ZNF738: variants seen among roughly 807,000 people sequenced by gnomAD.
The protein encoded by ZNF738 is protein ZNF738.
Under a neutral mutation model 9.2 loss-of-function variants are expected in ZNF738, and 10 were observed. The ratio of observed to expected loss-of-function variants is 1.09; its 90% CI spans 0.67 to 1.85. ZNF738 has a LOEUF of 1.85. ZNF738 is among the 40% of genes most tolerant of loss of function. The pLI is 0.00. For missense variants in ZNF738, 346 were observed against 283.6 expected, an observed-to-expected ratio of 1.22 and a Z score of -1.58; for synonymous variants, 113 against 94.5, an observed-to-expected ratio of 1.20 and a Z score of -1.14.
chr19:21,388,308 G>A lies in ZNF738; in HGVS notation c.*4634G>A, dbSNP rs1253646275. Among the ~76,000 whole-genome samples the A allele has an allele frequency of 3.3e-5, 5 of 152,138 alleles. No individual in the cohort carries two copies. Among genetic ancestry groups the A allele is most frequent in the Non-Finnish European group, 1.5e-5 (1 of 68,018 alleles). On this transcript the variant is annotated 3_prime_UTR_variant, in exon 5 of 5. Transcript: ENST00000683779. ...TTCTTATTCACTTGTGAAAGCATGT[G>A]ATAATTGTTGCATCAAAGGTATGAG...
Position 21,375,256 on chromosome 19 carries a change from G to A in ZNF738, c.115G>A (p.Asp39Asn), listed in dbSNP as rs755807173. The A allele has an allele frequency of 8.7e-7, 1 of 1,151,566 alleles. No homozygotes were observed. The highest frequency in any genetic ancestry group is 1.5e-5 in the African/African-American group (1 of 65,900). 71.3% of individuals were successfully genotyped at this position (1,151,566 alleles called of 1,614,324 possible). ...TTTTCAGGGGCCGTTGACATTTAGG[G>A]ATGTGGTCATAGAATTCTCTCAGGA... Reference protein sequence around the residue: ...YFEKGPLTFRDVVIEFSQEEW... With the variant: ...YFEKGPLTFRNVVIEFSQEEW... The change falls in exon 3 of 5, where the codon GAT becomes AAT. Residue 39 changes from aspartate (D) to asparagine (N), a missense_variant. By Grantham distance (23) the Asp-to-Asn change is conservative. Coordinates refer to ENST00000683779, the MANE Select transcript of ZNF738 (RefSeq NM_001355237.2).
At chr19:21,368,894 G>A (rs1400841509) in intron 2 of ZNF738, among the ~76,000 whole-genome samples, 16 of 152,116 alleles carry the variant, frequency 1.1e-4, no homozygotes, top group Non-Finnish European at 2.1e-4. Context: ...TTGCCACGAC[G>A]CCCAGCTGAT....
At chr19:21,377,635 A>G in intron 4 of ZNF738, 1 of 463,360 alleles carries the variant, frequency 2.2e-6, no homozygotes. Flanking sequence ...AAGATATGAC[A>G]GTTTTTGACT....
chr19:21,383,170 A>G lies in ZNF738; in HGVS notation c.624A>G (p.Lys208=). 1 of 1,600,560 alleles carries G rather than the reference A, an allele frequency of 6.2e-7. No individual in the cohort carries two copies. ...GAAAGAAACCTTTCAAATGTAAAAA[A>G]TGTGGCAAATCATTTTGCATGCTTT... ...HTGKKPFKCK[K]CGKSFCMLLH... The change falls in exon 5 of 5, where the codon AAA becomes AAG. Residue 208 remains lysine, a synonymous_variant. Transcript: ENST00000683779.
intron 2 of ZNF738, among the ~76,000 whole-genome samples, chr19:21,367,644 C>G (rs937812244): frequency 1.7e-4 from 26 of 152,246 alleles, no homozygotes; most frequent in African/African-American, 5.8e-4. Flanking sequence ...CACAGACTGT[C>G]ATACTGCCCA....
At chr19:21,379,888 A>G (rs1462567993) in intron 4 of ZNF738, among the ~76,000 whole-genome samples, 3 of 152,336 alleles carry the variant, frequency 2.0e-5, no homozygotes, top group South Asian at 2.1e-4. Flanking sequence ...AAGAAACATA[A>G]AGGAACTCAA....
intron 4 of ZNF738, among the ~76,000 whole-genome samples, chr19:21,380,817 G>A (rs1323199745): frequency 1.3e-5 from 2 of 152,136 alleles, no homozygotes; most frequent in African/African-American, 4.8e-5. Context: ...CAGTCAGGAC[G>A]TCCTGTCTCA....
chr19:21,359,838 C>T (rs539254299), intron 1 of ZNF738, among the ~76,000 whole-genome samples: 2 of 152,188 alleles, frequency 1.3e-5, no homozygotes, highest in East Asian at 1.9e-4. Flanking sequence ...GATCGTGCCA[C>T]TGCACTCCAG....
At chr19:21,371,632 C>G (rs1490545388) in intron 2 of ZNF738, among the ~76,000 whole-genome samples, 1 of 152,176 alleles carries the variant, frequency 6.6e-6, no homozygotes, top group Non-Finnish European at 1.5e-5. Flanking sequence ...AGACTAGCAA[C>G]TGGATACATG....
chr19:21,375,716 TA>T (rs773787253), intron 3 of ZNF738, among the ~76,000 whole-genome samples, 152 bp from the exon 4 acceptor site: 18 of 152,222 alleles, frequency 1.2e-4, no homozygotes, highest in Non-Finnish European at 2.1e-4. Context: ...AAATTTAAAA[TA>T]TTTTCTAAAT....
chr19:21,375,226 TG>T lies in ZNF738; in HGVS notation c.97-11del. ...ACACTTGTAAATATGTGTGTGTGTG[TG>T]TGTTTTTCAGGGGCCGTTGACATTT... On this transcript the variant is annotated splice_polypyrimidine_tract_variant and intron_variant, in intron 2 of 4. Coordinates refer to ENST00000683779, the MANE Select transcript of ZNF738 (RefSeq NM_001355237.2). The T allele has an allele frequency of 9.1e-7, 1 of 1,102,084 alleles. No homozygotes were observed. 68.3% of individuals were successfully genotyped at this position (1,102,084 alleles called of 1,614,324 possible). A position where few individuals can be genotyped will look rare whatever the true frequency, so the allele number is the denominator to read the frequency against.
chr19:21,374,198 TAAGA>T (rs1973896071), intron 2 of ZNF738, among the ~76,000 whole-genome samples: 2 of 152,212 alleles, frequency 1.3e-5, no homozygotes, highest in Non-Finnish European at 2.9e-5. Flanking sequence ...AGAACAGGAT[TAAGA>T]AAATGCTTAT....
At chr19:21,372,702 A>G (rs1973872080) in intron 2 of ZNF738, 1 of 152,174 alleles carries the variant, frequency 6.6e-6, no homozygotes, top group Admixed American at 6.5e-5. Context: ...ATTATTGAAC[A>G]CTTAGTATGA....
intron 4 of ZNF738, among the ~76,000 whole-genome samples, chr19:21,382,185 C>T (rs1357139322): frequency 6.7e-6 from 1 of 149,968 alleles, no homozygotes; most frequent in Non-Finnish European, 1.5e-5. Context: ...CCTGCCTCAG[C>T]CTCTTGAGTA....
In ZNF738 at chr19:21,383,699, G is replaced by A. The variant is rs139226172; in HGVS notation, c.*25G>A. 5.1e-5 allele frequency: 43 copies of A among 836,406 alleles called. No individual in the cohort carries two copies. Among genetic ancestry groups the A allele is most frequent in the Middle Eastern group, 5.1e-4 (2 of 3,912 alleles). 51.8% of individuals were successfully genotyped at this position (836,406 alleles called of 1,614,324 possible). A position where few individuals can be genotyped will look rare whatever the true frequency, so the allele number is the denominator to read the frequency against. ...ATGTGGCAAAGCCTTTAATGTATTC[G>A]CAACCCTTACTAGACATAAGATAAT... On this transcript the variant is annotated 3_prime_UTR_variant, in exon 5 of 5. Coordinates refer to ENST00000683779, the MANE Select transcript of ZNF738 (RefSeq NM_001355237.2).
At chr19:21,380,230 A>G (rs1973987188) in intron 4 of ZNF738, among the ~76,000 whole-genome samples, 1 of 152,214 alleles carries the variant, frequency 6.6e-6, no homozygotes, top group African/African-American at 2.4e-5. Context: ...ACAAGTTCAC[A>G]TAAAAGGGTT....
At position 21,361,885 on chromosome 19, in the gene ZNF738, C is replaced by G. The variant is rs780829875; in HGVS notation, c.96+27C>G. On this transcript the variant is annotated intron_variant, in intron 2 of 4. Transcript: ENST00000683779. Reference sequence around the variant, plus strand: ...TAACCCCTTGATATGTTAAAATTGTCTTTGGGACCAGCTTGAAAAACATGC... The same window carrying G: ...TAACCCCTTGATATGTTAAAATTGTGTTTGGGACCAGCTTGAAAAACATGC... The G allele has an allele frequency of 1.6e-5, 12 of 762,334 alleles. No homozygotes were observed. The African/African-American group carries it at 1.9e-4, about 12-fold the overall frequency. The allele number at this position is 762,334 out of a possible 1,614,324, so 47.2% of individuals were successfully genotyped here. A position where few individuals can be genotyped will look rare whatever the true frequency, so the allele number is the denominator to read the frequency against.
In ZNF738 at chr19:21,375,938, G is replaced by GAC. The variant is rs763323236; in HGVS notation, c.297_298dup (p.Ser100ThrfsTer4). ...GGAAAAGATCCCTGGAATATGAAGAGACACAGTATGGTAGCCACACCCCCA... is the reference window on the plus strand; with the variant it reads ...GGAAAAGATCCCTGGAATATGAAGAGACACACAGTATGGTAGCCACACCCCCA... On this transcript the variant is annotated frameshift_variant, in exon 4 of 5. Transcript: ENST00000683779. LOFTEE classifies it low-confidence loss of function (END_TRUNC). 1 of 789,584 alleles carries GAC rather than the reference G, an allele frequency of 1.3e-6. No individual in the cohort carries two copies. The highest frequency in any genetic ancestry group is 1.7e-5 in the African/African-American group (1 of 58,922). The allele number at this position is 789,584 out of a possible 1,614,324, so 48.9% of individuals were successfully genotyped here.
intron 2 of ZNF738, among the ~76,000 whole-genome samples, chr19:21,366,827 G>C (rs1973787632): frequency 6.6e-6 from 1 of 152,158 alleles, no homozygotes; most frequent in Non-Finnish European, 1.5e-5. Flanking sequence ...AGAATGACCA[G>C]AGGTCACTCT....
Sources: gnomAD v4.1 joint callset for allele counts (sites outside exome capture counted in the v4.1 genomes callset) on GRCh38, gnomAD v4.1.1 for gene constraint, MANE v1.5 for transcripts, NCBI Gene and HGNC (gene_info 2026-07-23, HGNC 2026-07-21) for gene names.